The following STX8 variants were observed in gnomAD, a reference collection of about 807,000 sequenced individuals.
STX8 encodes syntaxin 8, also known as syntaxin-8.
A neutral mutation model predicts 37.5 loss-of-function variants in STX8; 23 were observed. The observed-to-expected ratio is 0.61, with a 90% CI of 0.44 to 0.87. The LOEUF is 0.87. STX8 is among the 40% of genes least tolerant of loss of function. The pLI, the probability that STX8 is intolerant of heterozygous loss-of-function variation, is 0.00. For synonymous variants in STX8, 115 were observed against 99.1 expected, an observed-to-expected ratio of 1.16 and a Z score of -0.95; for missense variants, 313 against 284.7, an observed-to-expected ratio of 1.10 and a Z score of -0.71.
intron 1 of STX8, among the ~76,000 whole-genome samples, chr17:9,575,510 C>T (rs534389264): frequency 3.9e-5 from 6 of 152,200 alleles, no homozygotes; most frequent in East Asian, 1.9e-4. Flanking sequence ...GGCGGGAAAT[C>T]CCCGCAACGA....
At chr17:9,417,525 C>G (rs1368713660) in intron 6 of STX8, among the ~76,000 whole-genome samples, 1 of 152,126 alleles carries the variant, frequency 6.6e-6, no homozygotes, top group African/African-American at 2.4e-5. Flanking sequence ...GATTTCCTTA[C>G]TAATAGGAGT....
At chr17:9,324,130 A>T (rs868192424) in intron 7 of STX8, among the ~76,000 whole-genome samples, 134 of 94,502 alleles carry the variant, frequency 1.4e-3, no homozygotes, top group Middle Eastern at 4.3e-3. Flanking sequence ...TCTCTCTCAC[A>T]CACACACACA....
Position 9,545,090 on chromosome 17 carries a change from G to A in STX8, c.323+82C>T, listed in dbSNP as rs79299212. On this transcript the variant is annotated intron_variant, in intron 4 of 7. Transcript: ENST00000306357. Reference sequence around the variant, plus strand: ...GAATAGATTTTGATTAATTCCTAAAGTAAGCCATTCAGGAAACAGCTGTAG... The same window carrying A: ...GAATAGATTTTGATTAATTCCTAAAATAAGCCATTCAGGAAACAGCTGTAG... 0.011 allele frequency: 8,488 copies of A among 805,152 alleles called. 505 individuals are homozygous for A. In the African/African-American group the frequency reaches 0.13, roughly 12 times the overall value. The allele number at this position is 805,152 out of a possible 1,614,324, so 49.9% of individuals were successfully genotyped here. A position where few individuals can be genotyped will look rare whatever the true frequency, so the allele number is the denominator to read the frequency against.
chr17:9,475,806 C>T (rs1906077610), intron 6 of STX8, among the ~76,000 whole-genome samples: 1 of 152,248 alleles, frequency 6.6e-6, no homozygotes, highest in Admixed American at 6.5e-5. Context: ...AACCTGCCGA[C>T]TGGCATATCT....
At chr17:9,440,311 T>C (rs902093223) in intron 6 of STX8, among the ~76,000 whole-genome samples, 4 of 152,122 alleles carry the variant, frequency 2.6e-5, no homozygotes, top group Admixed American at 6.5e-5. Flanking sequence ...TCCTCTCTGA[T>C]TCATCCCTTC....
At chr17:9,520,704 C>T (rs888527285) in intron 4 of STX8, among the ~76,000 whole-genome samples, 1 of 152,112 alleles carries the variant, frequency 6.6e-6, no homozygotes, top group South Asian at 2.1e-4. Flanking sequence ...GGTGCACAGA[C>T]AATCCATGTC....
chr17:9,399,922 A>T (rs542777461), intron 6 of STX8, among the ~76,000 whole-genome samples: 1 of 151,782 alleles, frequency 6.6e-6, no homozygotes, highest in East Asian at 1.9e-4. Flanking sequence ...AGTTTACTCC[A>T]TAAGTGTCTT....
At chr17:9,413,957 A>AC (rs1405740107) in intron 6 of STX8, among the ~76,000 whole-genome samples, 7 of 137,348 alleles carry the variant, frequency 5.1e-5, no homozygotes, top group African/African-American at 1.9e-4. Context: ...TATCCACTCA[A>AC]CCATCCACCT....
At chr17:9,307,480 T>C (rs181919133) in intron 7 of STX8, among the ~76,000 whole-genome samples, 1 of 152,296 alleles carries the variant, frequency 6.6e-6, no homozygotes, top group Admixed American at 6.5e-5. Context: ...TTGGAGTTGC[T>C]TCTCCTGTTC....
At chr17:9,402,326 G>T (rs1220562090) in intron 6 of STX8, among the ~76,000 whole-genome samples, 1 of 152,042 alleles carries the variant, frequency 6.6e-6, no homozygotes, top group Admixed American at 6.6e-5. Context: ...TCTCCATGTT[G>T]GTCAGGCTGA....
At chr17:9,489,130 G>A (rs796690106) in intron 6 of STX8, among the ~76,000 whole-genome samples, 23 of 152,228 alleles carry the variant, frequency 1.5e-4, no homozygotes, top group African/African-American at 5.5e-4. Flanking sequence ...ATCCACCTCG[G>A]CCTCCCAAAG....
At chr17:9,349,893 G>A (rs866797849) in intron 7 of STX8, among the ~76,000 whole-genome samples, 70 of 152,002 alleles carry the variant, frequency 4.6e-4, no homozygotes, top group Admixed American at 1.4e-3. Context: ...CCACCACACC[G>A]GGCTAGTTTT....
intron 6 of STX8, among the ~76,000 whole-genome samples, chr17:9,422,439 G>A (rs1913472723): frequency 6.6e-6 from 1 of 152,188 alleles, no homozygotes. Flanking sequence ...TACAGCATGT[G>A]AGAACGGACT....
intron 7 of STX8, among the ~76,000 whole-genome samples, chr17:9,359,102 G>T (rs1380710099): frequency 6.6e-6 from 1 of 151,634 alleles, no homozygotes; most frequent in Admixed American, 6.6e-5. Flanking sequence ...GAGTGCAATG[G>T]CGCAATCTTG....
intron 7 of STX8, among the ~76,000 whole-genome samples, chr17:9,273,915 G>A (rs1479707056): frequency 6.6e-6 from 1 of 152,170 alleles, no homozygotes; most frequent in East Asian, 1.9e-4. Flanking sequence ...GGTCCCTTCT[G>A]ACAGTTTCCT....
At chr17:9,301,791 T>G (rs1478702227) in intron 7 of STX8, among the ~76,000 whole-genome samples, 2 of 152,174 alleles carry the variant, frequency 1.3e-5, no homozygotes, top group Non-Finnish European at 2.9e-5. Context: ...GCCCGGCCAG[T>G]GCTTTACTTT....
chr17:9,522,539 TCCAAAAAA>T (rs1167610765), intron 4 of STX8, among the ~76,000 whole-genome samples: 25 of 112,536 alleles, frequency 2.2e-4, no homozygotes, highest in Admixed American at 1.6e-3. Context: ...CTACTAAAAA[TCCAAAAAA>T]AAAAAAAAAA....
intron 7 of STX8, among the ~76,000 whole-genome samples, chr17:9,364,961 C>T (rs1400327135): frequency 6.7e-6 from 1 of 148,244 alleles, no homozygotes; most frequent in African/African-American, 2.6e-5. Flanking sequence ...AAATGACTAC[C>T]TAATTGGGAC....
intron 7 of STX8, among the ~76,000 whole-genome samples, chr17:9,290,129 GAA>G (rs1908264688): frequency 1.3e-5 from 2 of 152,216 alleles, no homozygotes; most frequent in African/African-American, 4.8e-5. Context: ...GCAAAACCAA[GAA>G]GAGAGTGTGA....
Sources: allele counts gnomAD v4.1 joint callset (sites outside exome capture counted in the v4.1 genomes callset), GRCh38; gene constraint gnomAD v4.1.1; transcripts MANE v1.5; gene names NCBI Gene and HGNC (gene_info 2026-07-23, HGNC 2026-07-21).